RIC8B: variants seen among roughly 807,000 people sequenced by gnomAD.
RIC8B encodes the protein chaperone Ric-8B.
A neutral mutation model predicts 57.5 loss-of-function variants in RIC8B; 16 were observed. The ratio of observed to expected loss-of-function variants is 0.28; its 90% CI spans 0.19 to 0.42. The LOEUF is 0.42. Ranked by LOEUF, RIC8B falls within the 10% of genes least tolerant of loss-of-function variation. The pLI, the probability that RIC8B is intolerant of heterozygous loss-of-function variation, is 1.00. For synonymous variants in RIC8B, 216 were observed against 250.8 expected (o/e 0.86, Z 1.31); for missense variants, 481 against 677.0 (o/e 0.71, Z 3.21).
intron 3 of RIC8B, among the ~76,000 whole-genome samples, chr12:106,821,752 T>C (rs1230018182): frequency 6.6e-6 from 1 of 151,552 alleles, no homozygotes; most frequent in East Asian, 1.9e-4. Context: ...TACAAACCCA[T>C]AAAAATAAAA....
chr12:106,800,940 T>C (rs905192245), intron 2 of RIC8B, among the ~76,000 whole-genome samples: 4 of 152,210 alleles, frequency 2.6e-5, no homozygotes, highest in African/African-American at 9.7e-5. Context: ...CCTTGCCTAG[T>C]GTACTGTATA....
intron 2 of RIC8B, among the ~76,000 whole-genome samples, chr12:106,807,099 C>T (rs2045073456): frequency 6.6e-6 from 1 of 152,224 alleles, no homozygotes; most frequent in Non-Finnish European, 1.5e-5. Context: ...CTAAAATACA[C>T]ACCAAATCCA....
At chr12:106,808,890 TGATA>T (rs2045192411) in intron 2 of RIC8B, among the ~76,000 whole-genome samples, 1 of 152,244 alleles carries the variant, frequency 6.6e-6, no homozygotes, top group Non-Finnish European at 1.5e-5. Context: ...ATATAAATCT[TGATA>T]GATCGTTTGA....
intron 7 of RIC8B, among the ~76,000 whole-genome samples, chr12:106,854,640 A>T (rs1949638877): frequency 6.6e-6 from 1 of 152,036 alleles, no homozygotes; most frequent in Admixed American, 6.5e-5. Context: ...AAAATATAAA[A>T]ATTAGCTGGA....
intron 2 of RIC8B, among the ~76,000 whole-genome samples, chr12:106,810,478 G>C (rs2045289393): frequency 6.6e-6 from 1 of 152,184 alleles, no homozygotes; most frequent in Non-Finnish European, 1.5e-5. Flanking sequence ...GATGTGCTAA[G>C]CACCAAATGA....
chr12:106,779,660 C>T lies in RIC8B; in HGVS notation c.85-4337C>T, dbSNP rs189844021. On this transcript the variant is annotated intron_variant, in intron 1 of 9. Coordinates refer to ENST00000392837, the MANE Select transcript of RIC8B (RefSeq NM_001330145.2). ...AAAAAAAAAGCCTGCACTTGTTCAA[C>T]ACAGACACACACAAAAAAAAATTTT... Among the ~76,000 whole-genome samples, 565 of 147,208 alleles carry T rather than the reference C, an allele frequency of 3.8e-3. 2 individuals are homozygous for T. The highest frequency in any genetic ancestry group is 0.013 in the African/African-American group (535 of 39,940).
At chr12:106,841,622 G>A (rs1018829114) in intron 4 of RIC8B, among the ~76,000 whole-genome samples, 1 of 152,064 alleles carries the variant, frequency 6.6e-6, no homozygotes, top group African/African-American at 2.4e-5. Context: ...TTTTTAGTCA[G>A]GATGTGGTTA....
chr12:106,878,643 C>A (rs1394190604), intron 9 of RIC8B, among the ~76,000 whole-genome samples: 2 of 152,146 alleles, frequency 1.3e-5, no homozygotes, highest in Non-Finnish European at 2.9e-5. Flanking sequence ...GTCAACCTTA[C>A]ATTAAGAGCA....
chr12:106,776,303 A>G (rs774064290), intron 1 of RIC8B, among the ~76,000 whole-genome samples: 1 of 152,222 alleles, frequency 6.6e-6, no homozygotes, highest in Non-Finnish European at 1.5e-5. Flanking sequence ...TAACTCATTC[A>G]ATGCATAGTT....
chr12:106,859,285 A>G (rs922138588), intron 7 of RIC8B, among the ~76,000 whole-genome samples: 6 of 152,162 alleles, frequency 3.9e-5, no homozygotes, highest in African/African-American at 1.4e-4. Context: ...ATTGCTTAGT[A>G]TCTTCCTTAA....
intron 4 of RIC8B, among the ~76,000 whole-genome samples, chr12:106,835,683 G>C (rs770796520): frequency 1.3e-5 from 2 of 152,134 alleles, no homozygotes; most frequent in African/African-American, 2.4e-5. Context: ...CCTAGCACAA[G>C]GCATAGCAAA....
chr12:106,839,224 A>G (rs967423411), intron 4 of RIC8B, among the ~76,000 whole-genome samples: 1 of 152,246 alleles, frequency 6.6e-6, no homozygotes, highest in African/African-American at 2.4e-5. Context: ...TTTTCATCAC[A>G]TGGTCCTTAC....
intron 8 of RIC8B, among the ~76,000 whole-genome samples, chr12:106,866,116 CTTA>C (rs1241181167): frequency 6.6e-6 from 1 of 152,186 alleles, no homozygotes; most frequent in Non-Finnish European, 1.5e-5. Context: ...ATATAACTTA[CTTA>C]TTAAGTCTGT....
Position 106,776,148 on chromosome 12 carries a change from T to C in RIC8B, c.84+1319T>C, listed in dbSNP as rs75399102. ...ATAGAGCTGAGATTTGAATTTACGT[T>C]GTCCAACTCCAAGTCCAGCGAGCGC... On this transcript the variant is annotated intron_variant, in intron 1 of 9. Transcript: ENST00000392837. Among the ~76,000 whole-genome samples the C allele has an allele frequency of 1.8e-3, 279 of 152,304 alleles. 3 individuals are homozygous for C. The highest frequency in any genetic ancestry group is 6.3e-3 in the African/African-American group (263 of 41,572).
chr12:106,836,291 TAC>T (rs757995335), intron 4 of RIC8B, among the ~76,000 whole-genome samples: 3 of 152,222 alleles, frequency 2.0e-5, no homozygotes, highest in Admixed American at 6.5e-5. Context: ...ACTGATCTAA[TAC>T]AGTCTTCTCT....
intron 2 of RIC8B, among the ~76,000 whole-genome samples, chr12:106,784,370 T>C (rs74673456): frequency 1.3e-5 from 2 of 152,192 alleles, no homozygotes; most frequent in Non-Finnish European, 2.9e-5. Flanking sequence ...CAAAATCCAT[T>C]GCTAATATTA....
intron 2 of RIC8B, among the ~76,000 whole-genome samples, chr12:106,809,731 G>A (rs1483946985): frequency 6.6e-6 from 1 of 151,914 alleles, no homozygotes; most frequent in African/African-American, 2.4e-5. Context: ...CATATTTATG[G>A]GGTACATGTG....
chr12:106,800,831 T>TA (rs1310619848), intron 2 of RIC8B, among the ~76,000 whole-genome samples: 7 of 152,238 alleles, frequency 4.6e-5, no homozygotes, highest in South Asian at 4.2e-4. Flanking sequence ...CTTGATTCAC[T>TA]AAAAAGGCAA....
At chr12:106,858,639 T>C (rs1949806260) in intron 7 of RIC8B, among the ~76,000 whole-genome samples, 1 of 152,136 alleles carries the variant, frequency 6.6e-6, no homozygotes, top group African/African-American at 2.4e-5. Context: ...TAGGATTCTA[T>C]CCAGCACCCA....
Sources: allele counts gnomAD v4.1 joint callset (sites outside exome capture counted in the v4.1 genomes callset), GRCh38; gene constraint gnomAD v4.1.1; transcripts MANE v1.5; gene names NCBI Gene and HGNC (gene_info 2026-07-23, HGNC 2026-07-21).